Variants in CCDC102B observed in about 807,000 individuals in gnomAD.
The protein encoded by CCDC102B is coiled-coil domain containing 102B.
CCDC102B carries 75 observed loss-of-function variants against 57.4 expected under a neutral mutation model. The observed-to-expected ratio is 1.31, with a 90% CI of 1.08 to 1.58. The LOEUF (loss-of-function observed/expected upper bound fraction) is 1.58. CCDC102B is among the 40% of genes most tolerant of loss of function. The pLI is 0.00. For missense variants in CCDC102B, 636 were observed against 582.6 expected (o/e 1.09, Z -0.94); for synonymous variants, 206 against 201.9 (o/e 1.02, Z -0.17).
intron 7 of CCDC102B, among the ~76,000 whole-genome samples, chr18:69,032,073 A>G (rs988796868): frequency 2.0e-5 from 3 of 152,068 alleles, no homozygotes; most frequent in African/African-American, 7.2e-5. Context: ...GGCTCATAAT[A>G]TGTGATAACA....
chr18:69,000,684 A>G (rs549679692), intron 6 of CCDC102B, among the ~76,000 whole-genome samples: 3 of 152,304 alleles, frequency 2.0e-5, no homozygotes, highest in Non-Finnish European at 2.9e-5. Context: ...ATGTTAAAGA[A>G]TTATATAAGT....
intron 6 of CCDC102B, among the ~76,000 whole-genome samples, chr18:68,973,112 G>C (rs949613470): frequency 6.6e-6 from 1 of 152,072 alleles, no homozygotes; most frequent in African/African-American, 2.4e-5. Flanking sequence ...CAGTATGCAT[G>C]GAGGTCCTTA....
chr18:68,916,843 TG>T (rs367936242), intron 6 of CCDC102B, among the ~76,000 whole-genome samples: 45 of 152,254 alleles, frequency 3.0e-4, no homozygotes, highest in Middle Eastern at 3.4e-3. Context: ...AATCGGTACC[TG>T]GGTAGGCTGA....
At chr18:68,996,113 C>A (rs2051020999) in intron 6 of CCDC102B, among the ~76,000 whole-genome samples, 1 of 152,058 alleles carries the variant, frequency 6.6e-6, no homozygotes, top group Non-Finnish European at 1.5e-5. Context: ...GAGGGTGTTG[C>A]CAAAGGAGAT....
intron 6 of CCDC102B, among the ~76,000 whole-genome samples, chr18:68,936,626 T>G (rs1205497755): frequency 1.3e-5 from 2 of 151,902 alleles, no homozygotes; most frequent in African/African-American, 4.8e-5. Context: ...TCTAAGGACT[T>G]CAAATTAGCA....
chr18:68,889,510 C>T (rs546494099), intron 5 of CCDC102B, among the ~76,000 whole-genome samples: 29 of 152,284 alleles, frequency 1.9e-4, no homozygotes, highest in African/African-American at 6.7e-4. Flanking sequence ...ACCTCCGCCT[C>T]CTGGGTTCAA....
upstream of CCDC102B, among the ~76,000 whole-genome samples, chr18:68,793,879 C>T (rs2035546889): frequency 6.6e-6 from 1 of 152,102 alleles, no homozygotes; most frequent in African/African-American, 2.4e-5. Flanking sequence ...TCAGGAACTG[C>T]CCCACAGATA....
chr18:68,911,567 ACG>A (rs1328609330), intron 6 of CCDC102B, among the ~76,000 whole-genome samples: 1 of 150,862 alleles, frequency 6.6e-6, no homozygotes, highest in Non-Finnish European at 1.5e-5. Context: ...CCTGGCTAAC[ACG>A]GTGAAACCCC....
At chr18:68,740,214 C>T (rs1009986537) in intron 2 of CCDC102B, among the ~76,000 whole-genome samples, 1 of 152,154 alleles carries the variant, frequency 6.6e-6, no homozygotes. Flanking sequence ...TGCCCAATGT[C>T]CCTTAGGGGA....
At chr18:68,949,661 T>G (rs2049640607) in intron 6 of CCDC102B, among the ~76,000 whole-genome samples, 2 of 152,122 alleles carry the variant, frequency 1.3e-5, no homozygotes, top group Non-Finnish European at 2.9e-5. Context: ...CTATATGAAA[T>G]CAATCTGACC....
chr18:68,811,889 G>A (rs1015745114), intron 1 of CCDC102B, among the ~76,000 whole-genome samples: 1 of 152,136 alleles, frequency 6.6e-6, no homozygotes, highest in African/African-American at 2.4e-5. Context: ...ACAAATATTG[G>A]GCTGAGGTAG....
intron 6 of CCDC102B, among the ~76,000 whole-genome samples, chr18:68,906,861 T>C (rs1397391807): frequency 6.6e-6 from 1 of 151,378 alleles, no homozygotes; most frequent in Non-Finnish European, 1.5e-5. Flanking sequence ...TCATTTATGC[T>C]TCTGGTTTCA....
chr18:69,043,462 A>G (rs1234889017), intron 7 of CCDC102B, among the ~76,000 whole-genome samples: 2 of 152,020 alleles, frequency 1.3e-5, no homozygotes, highest in Non-Finnish European at 2.9e-5. Flanking sequence ...ATTTCAGACT[A>G]TCACATGGGG....
intron 6 of CCDC102B, among the ~76,000 whole-genome samples, chr18:68,974,991 C>T (rs187900324): frequency 2.7e-4 from 41 of 151,800 alleles, no homozygotes; most frequent in Admixed American, 5.3e-4. Context: ...TTTAAAAATA[C>T]CTTATGTTGA....
intron 5 of CCDC102B, among the ~76,000 whole-genome samples, chr18:68,893,441 A>G (rs1377817606): frequency 6.6e-6 from 1 of 152,132 alleles, no homozygotes; most frequent in Non-Finnish European, 1.5e-5. Flanking sequence ...AGTCCTTTTC[A>G]TGTTATGTTA....
chr18:68,996,252 T>G (rs546272765), intron 6 of CCDC102B, among the ~76,000 whole-genome samples: 1 of 152,110 alleles, frequency 6.6e-6, no homozygotes, highest in African/African-American at 2.4e-5. Context: ...ACTGGCTGAG[T>G]CTTCTGGCCT....
At chr18:68,769,090 C>T (rs2034554979) in intron 2 of CCDC102B, among the ~76,000 whole-genome samples, 1 of 151,880 alleles carries the variant, frequency 6.6e-6, no homozygotes, top group South Asian at 2.1e-4. Flanking sequence ...CCCATCTCTA[C>T]TAAAAACACA....
chr18:68,869,325 G>A (rs2039137256), intron 4 of CCDC102B, among the ~76,000 whole-genome samples: 1 of 152,156 alleles, frequency 6.6e-6, no homozygotes, highest in African/African-American at 2.4e-5. Flanking sequence ...CCAAGCAGGA[G>A]GGAAGCAGGA....
intron 7 of CCDC102B, among the ~76,000 whole-genome samples, chr18:69,030,374 G>A (rs1210503303): frequency 6.6e-6 from 1 of 152,136 alleles, no homozygotes; most frequent in African/African-American, 2.4e-5. Context: ...ATTAATCAAA[G>A]TGCCTTGGTG....
Sources: gnomAD v4.1 joint callset for allele counts (sites outside exome capture counted in the v4.1 genomes callset) on GRCh38, gnomAD v4.1.1 for gene constraint, MANE v1.5 for transcripts, NCBI Gene and HGNC (gene_info 2026-07-23, HGNC 2026-07-21) for gene names.